GAP43: variants seen among roughly 807,000 people sequenced by gnomAD.
GAP43 encodes growth associated protein 43, also known as neuromodulin.
In GAP43, 6 loss-of-function variants were observed where a neutral mutation model predicts 18.6. The ratio of observed to expected loss-of-function variants is 0.32; its 90% CI spans 0.18 to 0.64. The LOEUF (loss-of-function observed/expected upper bound fraction) is 0.64, where lower values mean the gene tolerates loss of function less well. GAP43 is among the 30% of genes least tolerant of loss of function. The pLI is 0.78. For missense variants in GAP43, 292 were observed against 295.5 expected (o/e 0.99, Z 0.09); for synonymous variants, 115 against 111.4 (o/e 1.03, Z -0.20).
chr3:115,694,484 G>A (rs542686373), intron 2 of GAP43, among the ~76,000 whole-genome samples: 3 of 152,280 alleles, frequency 2.0e-5, no homozygotes, highest in East Asian at 3.9e-4. Flanking sequence ...CAATAATACC[G>A]ATGATGATCA....
At chr3:115,623,839 A>G in intron 1 of GAP43, 120 bp downstream of exon 1, 2 of 981,986 alleles carry the variant, frequency 2.0e-6, no homozygotes, top group Non-Finnish European at 1.6e-6. Context: ...GCGCTTCCTT[A>G]GCATATGGTA....
chr3:115,655,924 T>G (rs377074979), intron 1 of GAP43, among the ~76,000 whole-genome samples: 4 of 152,208 alleles, frequency 2.6e-5, no homozygotes, highest in African/African-American at 9.6e-5. Flanking sequence ...TTTTCAGGCC[T>G]GGGATGGAAG....
chr3:115,695,203 G>A (rs889073146), intron 2 of GAP43, among the ~76,000 whole-genome samples: 84 of 152,128 alleles, frequency 5.5e-4, no homozygotes, highest in Non-Finnish European at 3.5e-4. Flanking sequence ...AAATACTCTG[G>A]ATCCTTAGAC....
At position 115,652,356 on chromosome 3, in the gene GAP43, C is replaced by CTTTTTTTTTTTTTTTTTTTTTTTTTTTT. The variant is rs71141831; in HGVS notation, c.31-23655_31-23628dup. On this transcript the variant is annotated intron_variant, in intron 1 of 2. Coordinates refer to ENST00000305124, the MANE Select transcript of GAP43 (RefSeq NM_002045.4). ...TTCCTGATGATTCTTATCCAGCATT[C>CTTTTTTTTTTTTTTTTTTTTTTTTTTTT]TTTTTTTTTTTTTTTTTTTTTTTTT... 6.8e-5 allele frequency among the ~76,000 whole-genome samples: 3 copies of CTTTTTTTTTTTTTTTTTTTTTTTTTTTT among 43,808 alleles called. 1 individual carries two copies. Among genetic ancestry groups the CTTTTTTTTTTTTTTTTTTTTTTTTTTTT allele is most frequent in the African/African-American group, 8.7e-5 (1 of 11,542 alleles). 28.7% of individuals were successfully genotyped at this position (43,808 alleles called of 152,430 possible).
chr3:115,687,113 CTCT>C (rs1709045016), intron 2 of GAP43, among the ~76,000 whole-genome samples: 4 of 12,698 alleles, frequency 3.2e-4, no homozygotes, highest in Admixed American at 1.4e-3. Context: ...GAAATCCCCC[CTCT>C]TTTTTTTTTT....
At chr3:115,703,485 A>G (rs1037718996) in intron 2 of GAP43, among the ~76,000 whole-genome samples, 2 of 152,076 alleles carry the variant, frequency 1.3e-5, no homozygotes, top group Admixed American at 1.3e-4. Flanking sequence ...GTTAAAGTAG[A>G]GGCTGTCCCT....
chr3:115,716,368 A>G (rs1489261439), intron 2 of GAP43, among the ~76,000 whole-genome samples: 2 of 152,040 alleles, frequency 1.3e-5, no homozygotes, highest in Admixed American at 6.5e-5. Flanking sequence ...ACCTTTCCCA[A>G]ACTCACATGC....
intron 2 of GAP43, among the ~76,000 whole-genome samples, chr3:115,686,783 G>A (rs1709039078): frequency 6.6e-6 from 1 of 152,138 alleles, no homozygotes; most frequent in Non-Finnish European, 1.5e-5. Flanking sequence ...TTCTCAGCTG[G>A]TTTTTCGGAG....
At chr3:115,715,834 A>AACTT (rs1325175444) in intron 2 of GAP43, among the ~76,000 whole-genome samples, 3 of 152,284 alleles carry the variant, frequency 2.0e-5, no homozygotes, top group East Asian at 3.9e-4. Context: ...TATCACTCTG[A>AACTT]ACTTACCCAT....
intron 1 of GAP43, among the ~76,000 whole-genome samples, chr3:115,641,136 A>T (rs1265651538): frequency 6.8e-6 from 1 of 147,554 alleles, no homozygotes; most frequent in African/African-American, 2.5e-5. Context: ...AAGTGCTGGG[A>T]TTACAGGTGA....
At chr3:115,678,007 G>A (rs1017803784) in intron 2 of GAP43, among the ~76,000 whole-genome samples, 4 of 152,108 alleles carry the variant, frequency 2.6e-5, no homozygotes, top group East Asian at 1.9e-4. Context: ...TGGATAAATC[G>A]TATGCTTCTT....
intron 1 of GAP43, among the ~76,000 whole-genome samples, chr3:115,662,389 G>A (rs761182776): frequency 7.2e-5 from 11 of 152,120 alleles, no homozygotes; most frequent in Non-Finnish European, 1.3e-4. Context: ...GGCTGCAGAG[G>A]TATCAGGCAA....
intron 2 of GAP43, among the ~76,000 whole-genome samples, chr3:115,687,994 C>A (rs200859339): frequency 2.7e-5 from 4 of 146,208 alleles, no homozygotes; most frequent in African/African-American, 1.0e-4. Context: ...GGGTTACTAA[C>A]GAAATTTTTT....
At chr3:115,701,241 A>G (rs911360596) in intron 2 of GAP43, among the ~76,000 whole-genome samples, 1 of 152,118 alleles carries the variant, frequency 6.6e-6, no homozygotes, top group African/African-American at 2.4e-5. Flanking sequence ...TGATATTAGT[A>G]TCTTCTCTGC....
chr3:115,663,496 T>G, intron 1 of GAP43: 1 of 1,172,120 alleles, frequency 8.5e-7, no homozygotes. Context: ...CCCTGCTCTC[T>G]GATATTTTTC....
At chr3:115,702,112 A>T (rs1374236599) in intron 2 of GAP43, among the ~76,000 whole-genome samples, 1 of 152,140 alleles carries the variant, frequency 6.6e-6, no homozygotes, top group Non-Finnish European at 1.5e-5. Flanking sequence ...GATTGGAGCC[A>T]GGAATGGAGT....
At chr3:115,674,432 T>G (rs1708854999) in intron 1 of GAP43, among the ~76,000 whole-genome samples, 1 of 152,350 alleles carries the variant, frequency 6.6e-6, no homozygotes, top group East Asian at 1.9e-4. Flanking sequence ...GTTCCTATCC[T>G]CTGAATTAAT....
chr3:115,694,031 C>T (rs1199297010), intron 2 of GAP43, among the ~76,000 whole-genome samples: 2 of 152,012 alleles, frequency 1.3e-5, no homozygotes, highest in Non-Finnish European at 2.9e-5. Context: ...GGCACGTGCC[C>T]GGTGGGCTGG....
intron 2 of GAP43, among the ~76,000 whole-genome samples, chr3:115,683,128 C>CGT (rs1559800314): frequency 3.2e-5 from 4 of 124,568 alleles, no homozygotes; most frequent in South Asian, 2.8e-4. Flanking sequence ...TACATGTGCG[C>CGT]GCGCGTGCGC....
Sources: allele counts gnomAD v4.1 joint callset (sites outside exome capture counted in the v4.1 genomes callset), GRCh38; gene constraint gnomAD v4.1.1; transcripts MANE v1.5; gene names NCBI Gene and HGNC (gene_info 2026-07-23, HGNC 2026-07-21).